SARNP: variants seen among roughly 807,000 people sequenced by gnomAD.
SARNP encodes SAP domain containing ribonucleoprotein.
Under a neutral mutation model 38.1 loss-of-function variants are expected in SARNP, and 5 were observed. The observed-to-expected ratio is 0.13, with a 90% confidence interval of 0.07 to 0.28. SARNP has a LOEUF of 0.28. Among genes scored for constraint, SARNP ranks in the 10% least tolerant of loss-of-function variants. The pLI is 1.00. For missense variants in SARNP, 180 were observed against 243.9 expected, an observed-to-expected ratio of 0.74 and a Z score of 1.75; for synonymous variants, 84 against 80.6, an observed-to-expected ratio of 1.04 and a Z score of -0.23.
At chr12:55,758,602 A>G (rs1330950650) in intron 10 of SARNP, among the ~76,000 whole-genome samples, 1 of 151,974 alleles carries the variant, frequency 6.6e-6, no homozygotes, top group Non-Finnish European at 1.5e-5. Context: ...CTGAGATCGC[A>G]CCACTGCACT....
At chr12:55,768,597 T>G (rs1878916184) in intron 9 of SARNP, among the ~76,000 whole-genome samples, 1 of 148,980 alleles carries the variant, frequency 6.7e-6, no homozygotes, top group Non-Finnish European at 1.5e-5. Context: ...CAGGCTAATT[T>G]TTGTATTTTT....
chr12:55,813,422 G>C (rs1288925660), intron 1 of SARNP, among the ~76,000 whole-genome samples: 1 of 152,052 alleles, frequency 6.6e-6, no homozygotes, highest in African/African-American at 2.4e-5. Flanking sequence ...GGCAGCCGGA[G>C]TACTACAGCC....
At chr12:55,765,306 C>T (rs1878795927) in intron 9 of SARNP, among the ~76,000 whole-genome samples, 1 of 152,120 alleles carries the variant, frequency 6.6e-6, no homozygotes, top group Non-Finnish European at 1.5e-5. Context: ...TGGCTATATC[C>T]TCAAATGGGG....
At chr12:55,776,690 G>A (rs1879192755) in intron 9 of SARNP, among the ~76,000 whole-genome samples, 1 of 152,070 alleles carries the variant, frequency 6.6e-6, no homozygotes, top group Admixed American at 6.6e-5. Flanking sequence ...TGGGAGTGTG[G>A]ATAGATATTG....
At chr12:55,763,285 C>T (rs1013229797) in intron 9 of SARNP, among the ~76,000 whole-genome samples, 1 of 151,672 alleles carries the variant, frequency 6.6e-6, no homozygotes, top group Non-Finnish European at 1.5e-5. Flanking sequence ...CAGTTCTTTA[C>T]ACATGCAATA....
chr12:55,783,651 G>T (rs999117750), intron 9 of SARNP, among the ~76,000 whole-genome samples: 1 of 152,144 alleles, frequency 6.6e-6, no homozygotes, highest in Non-Finnish European at 1.5e-5. Flanking sequence ...TATGTGTATA[G>T]CATACTAGTG....
At chr12:55,780,025 G>A (rs573889614) in intron 9 of SARNP, among the ~76,000 whole-genome samples, 1 of 152,300 alleles carries the variant, frequency 6.6e-6, no homozygotes, top group South Asian at 2.1e-4. Flanking sequence ...GTCTGTGCCT[G>A]TAGTCCCAGC....
At chr12:55,804,130 T>C (rs1406654054) in intron 1 of SARNP, among the ~76,000 whole-genome samples, 1 of 152,210 alleles carries the variant, frequency 6.6e-6, no homozygotes, top group Admixed American at 6.5e-5. Flanking sequence ...AGATTCTCCT[T>C]ACCACTTATT....
downstream of SARNP, chr12:55,755,205 C>T (rs945119382): frequency 6.6e-6 from 1 of 151,982 alleles, no homozygotes; most frequent in African/African-American, 2.4e-5. Context: ...ATATCAGACA[C>T]AGCAAGAGAA....
At chr12:55,756,844 A>G (rs1465594710), downstream of SARNP, 1 of 152,216 alleles carries the variant, frequency 6.6e-6, no homozygotes, top group African/African-American at 2.4e-5. Context: ...GTATCGTATC[A>G]CATCACCCTT....
At position 55,817,702 on chromosome 12, in the gene SARNP, C is replaced by G. The variant is rs1398273858; in HGVS notation, c.-1G>C. ...GGAGCTCCACCGTCTCGGTCGCCAT[C>G]TTGTTACCCCTCACTCCACTAGGCC... On this transcript the variant is annotated 5_prime_UTR_variant, in exon 1 of 11. Coordinates refer to ENST00000336133, the MANE Select transcript of SARNP (RefSeq NM_033082.4). 1.2e-6 allele frequency: 2 copies of G among 1,613,268 alleles called. No individual in the cohort carries two copies. The highest frequency in any genetic ancestry group is 3.3e-5 in the Admixed American group (2 of 59,852).
intron 9 of SARNP, among the ~76,000 whole-genome samples, chr12:55,764,424 GGGAGGCTGA>G (rs1878764181): frequency 6.6e-6 from 1 of 151,944 alleles, no homozygotes; most frequent in African/African-American, 2.4e-5. Context: ...CCAGCTACTT[GGGAGGCTGA>G]GGCAGGAGAA....
chr12:55,804,312 T>C (rs571550430), intron 1 of SARNP, among the ~76,000 whole-genome samples: 98 of 151,874 alleles, frequency 6.5e-4, no homozygotes, highest in African/African-American at 2.2e-3. Context: ...ATTTAACTTA[T>C]CTAAAGATAT....
At chr12:55,789,506 G>A (rs1298256085) in intron 8 of SARNP, among the ~76,000 whole-genome samples, 1 of 152,204 alleles carries the variant, frequency 6.6e-6, no homozygotes, top group Non-Finnish European at 1.5e-5. Flanking sequence ...GTCTCTGCAA[G>A]TATTTCTTAA....
rs575196810 is a variant in SARNP, at chr12:55,779,793, A to G, written c.501+9282T>C. Among the ~76,000 whole-genome samples, 17 of 152,316 alleles carry G rather than the reference A, an allele frequency of 1.1e-4. No individual in the cohort carries two copies. The South Asian group carries it at 2.9e-3, about 26-fold the overall frequency. ...AATAGTACCAAACCCTATATATACT[A>G]TGATTTTACCTGTAATTTTAATTTA... On this transcript the variant is annotated intron_variant, in intron 9 of 10. Coordinates refer to ENST00000336133, the MANE Select transcript of SARNP (RefSeq NM_033082.4).
intron 4 of SARNP, among the ~76,000 whole-genome samples, chr12:55,799,558 A>ATTTTT (rs1879917177): frequency 6.3e-5 from 1 of 15,790 alleles, no homozygotes; most frequent in African/African-American, 2.2e-4. Context: ...AGAGTGTCAC[A>ATTTTT]CTTTTTTTTT....
chr12:55,788,515 G>T (rs1280487421), intron 9 of SARNP, among the ~76,000 whole-genome samples: 1 of 152,104 alleles, frequency 6.6e-6, no homozygotes, highest in African/African-American at 2.4e-5. Flanking sequence ...ACCATACTCA[G>T]GCTGGGTGCA....
At chr12:55,796,108 A>T in intron 4 of SARNP, 32 bp from the exon 5 acceptor site, 1 of 1,470,032 alleles carries the variant, frequency 6.8e-7, no homozygotes, top group Non-Finnish European at 9.5e-7. Flanking sequence ...TAAAATGAGA[A>T]AACTGATATT....
At chr12:55,810,352 A>T (rs1009168786) in intron 1 of SARNP, among the ~76,000 whole-genome samples, 1 of 151,844 alleles carries the variant, frequency 6.6e-6, no homozygotes, top group African/African-American at 2.4e-5. Flanking sequence ...GGCTCAAGTG[A>T]TCCTCCTGCC....
Sources: allele counts gnomAD v4.1 joint callset (sites outside exome capture counted in the v4.1 genomes callset), GRCh38; gene constraint gnomAD v4.1.1; transcripts MANE v1.5; gene names NCBI Gene and HGNC (gene_info 2026-07-23, HGNC 2026-07-21).